Variants in RAB3GAP2 observed in about 807,000 individuals in gnomAD.
RAB3GAP2 encodes RAB3 GTPase activating non-catalytic protein subunit 2, also known as rab3 GTPase-activating protein non-catalytic subunit.
In RAB3GAP2, 87 loss-of-function variants were observed where a neutral mutation model predicts 185.3. That is an observed-to-expected ratio of 0.47 (90% CI 0.39 to 0.56). The LOEUF is 0.56. Among genes scored for constraint, RAB3GAP2 ranks in the 20% least tolerant of loss-of-function variants. RAB3GAP2 has a pLI of 0.00. For synonymous variants in RAB3GAP2, 554 were observed against 576.1 expected (o/e 0.96, Z 0.55); for missense variants, 1,492 against 1,638.2 (o/e 0.91, Z 1.54).
chr1:220,264,398 T>C (rs1160879720), intron 1 of RAB3GAP2, among the ~76,000 whole-genome samples: 1 of 150,936 alleles, frequency 6.6e-6, no homozygotes, highest in East Asian at 2.0e-4. Flanking sequence ...AAAGGGGAGG[T>C]TTTTTTTACA....
rs944130303 is a variant in RAB3GAP2 at position 220,151,668 on chromosome 1, T to C, written c.3964A>G (p.Lys1322Glu). The C allele has an allele frequency of 6.2e-7, 1 of 1,611,620 alleles. No individual in the cohort carries two copies. The highest frequency in any genetic ancestry group is 8.5e-7 in the Non-Finnish European group (1 of 1,177,852). The change falls in exon 34 of 35, where the codon AAA becomes GAA. Residue 1322 changes from lysine to glutamate, a missense_variant. By Grantham distance (56) the Lys-to-Glu change is moderately conservative (BLOSUM62 1). Transcript: ENST00000358951. Reference protein sequence around the residue: ...LAHALLHTQTKEGMELLARLP... With the variant: ...LAHALLHTQTEEGMELLARLP... Reference sequence around the variant, plus strand: ...CTGGCAAGCAGCTCCATTCCTTCTTTTGTCTGGGTGTGGAGAAGCGCATGA... The same window carrying C: ...CTGGCAAGCAGCTCCATTCCTTCTTCTGTCTGGGTGTGGAGAAGCGCATGA...
chr1:220,239,019 G>C (rs1365427283), intron 1 of RAB3GAP2, among the ~76,000 whole-genome samples: 2 of 152,102 alleles, frequency 1.3e-5, no homozygotes, highest in African/African-American at 2.4e-5. Context: ...AATTGAAAAT[G>C]ACATTCTTAC....
chr1:220,267,630 T>G, intron 1 of RAB3GAP2: 2 of 1,418,216 alleles, frequency 1.4e-6, no homozygotes, highest in Non-Finnish European at 2.0e-6. Context: ...CTTGCTGTTT[T>G]GGGTGTTATT....
chr1:220,193,307 T>C lies in RAB3GAP2; in HGVS notation c.1203A>G (p.Val401=). The C allele has an allele frequency of 6.2e-7, 1 of 1,614,046 alleles. No homozygotes were observed. Among genetic ancestry groups the C allele is most frequent in the Non-Finnish European group, 8.5e-7 (1 of 1,179,948 alleles). The part of the protein sequence containing the change: ...CLSPCNTLAA[V]TDDFGRVILL... ...AAATAACTCTGCCGAAATCATCTGTTACTGCTGCCAGTGTGTTACATGGAG... is the reference window on the plus strand; with the variant it reads ...AAATAACTCTGCCGAAATCATCTGTCACTGCTGCCAGTGTGTTACATGGAG... Residue 401 remains valine (V), a synonymous_variant, in exon 13 of 35, where the codon GTA becomes GTG. Transcript: ENST00000358951.
chr1:220,214,306 A>C (rs753104522), intron 2 of RAB3GAP2, among the ~76,000 whole-genome samples: 4 of 152,168 alleles, frequency 2.6e-5, no homozygotes, highest in Non-Finnish European at 5.9e-5. Flanking sequence ...AGAGCCAAGG[A>C]CAGGAGGTCA....
At position 220,162,274 on chromosome 1, in the gene RAB3GAP2, T is replaced by G. The variant is rs762228863; in HGVS notation, c.3155-6A>C. ...CCACATCATCAGTGCAATGCCTAGA[T>G]AGCAAGTAAAAGTAGTAAATAGAAT... is the stretch of plus-strand genomic sequence containing the variant. On this transcript the variant is annotated splice_polypyrimidine_tract_variant and splice_region_variant and intron_variant, in intron 27 of 34. Transcript: ENST00000358951. The G allele has an allele frequency of 6.3e-7, 1 of 1,577,604 alleles. No homozygotes were observed. Among genetic ancestry groups the G allele is most frequent in the Admixed American group, 1.7e-5 (1 of 59,964 alleles).
chr1:220,171,724 C>A (rs978964765), intron 23 of RAB3GAP2, among the ~76,000 whole-genome samples, 165 bp downstream of exon 23: 2 of 152,102 alleles, frequency 1.3e-5, no homozygotes, highest in African/African-American at 4.8e-5. Flanking sequence ...GTGACAACTG[C>A]TAAATTCAAG....
At chr1:220,199,134 G>A (rs965515003) in intron 9 of RAB3GAP2, among the ~76,000 whole-genome samples, 1 of 152,010 alleles carries the variant, frequency 6.6e-6, no homozygotes, top group Non-Finnish European at 1.5e-5. Flanking sequence ...TGTATGTCAC[G>A]GTAAGGAGCA....
At chr1:220,230,009 C>T (rs1018805154) in intron 2 of RAB3GAP2, among the ~76,000 whole-genome samples, 1 of 152,204 alleles carries the variant, frequency 6.6e-6, no homozygotes, top group African/African-American at 2.4e-5. Context: ...AAGCACATCC[C>T]TTTCTGAAAG....
chr1:220,169,082 T>C (rs1658125719), intron 24 of RAB3GAP2, among the ~76,000 whole-genome samples: 1 of 152,196 alleles, frequency 6.6e-6, no homozygotes, highest in Non-Finnish European at 1.5e-5. Flanking sequence ...CTGATTCCAT[T>C]GCTTAGGTTA....
At chr1:220,254,594 T>C in intron 1 of RAB3GAP2, 3 of 1,372,056 alleles carry the variant, frequency 2.2e-6, no homozygotes, top group Non-Finnish European at 3.1e-6. Context: ...TTTTTGTTCT[T>C]AGTCTATCTC....
At position 220,267,256 on chromosome 1, in the gene RAB3GAP2, T is replaced by G; in HGVS notation, c.115+4967A>C. ...ATCAAACTTTGAAAGTTTCTGAAGT[T>G]CTGTATTGACTGTTTCAAGTGGTGT... is the stretch of plus-strand genomic sequence containing the variant. On this transcript the variant is annotated intron_variant, in intron 1 of 34. Coordinates refer to ENST00000358951, the MANE Select transcript of RAB3GAP2 (RefSeq NM_012414.4). 3.3e-6 allele frequency: 3 copies of G among 914,256 alleles called. No individual in the cohort carries two copies. In the South Asian group the frequency reaches 3.9e-5, roughly 12 times the overall value. The allele number at this position is 914,256 out of a possible 1,614,324, so 56.6% of individuals were successfully genotyped here. A position where few individuals can be genotyped will look rare whatever the true frequency, so the allele number is the denominator to read the frequency against.
intron 1 of RAB3GAP2, among the ~76,000 whole-genome samples, chr1:220,245,096 T>C (rs561084890): frequency 6.6e-4 from 100 of 151,348 alleles, no homozygotes; most frequent in African/African-American, 2.4e-3. Context: ...GCATCCAGAA[T>C]CTACAAGGAA....
At chr1:220,159,300 G>T in intron 29 of RAB3GAP2, 86 bp downstream of exon 29, 1 of 1,127,064 alleles carries the variant, frequency 8.9e-7, no homozygotes, top group Non-Finnish European at 1.3e-6. Context: ...ATGATAAAAG[G>T]CAAAGTTCAC....
intron 31 of RAB3GAP2, among the ~76,000 whole-genome samples, chr1:220,156,406 G>A (rs1043378697): frequency 2.2e-4 from 33 of 152,116 alleles, no homozygotes; most frequent in African/African-American, 7.5e-4. Context: ...TGACACCTGC[G>A]TGGGGAAGGA....
At chr1:220,219,556 C>T (rs755917173) in intron 2 of RAB3GAP2, 6 of 152,168 alleles carry the variant, frequency 3.9e-5, no homozygotes, top group Non-Finnish European at 7.3e-5. Flanking sequence ...ACTAGACCCT[C>T]GATGTTCTCA....
At position 220,149,975 on chromosome 1, in the gene RAB3GAP2, T is replaced by A. The variant is rs1269976785; in HGVS notation, c.*1276A>T. On this transcript the variant is annotated 3_prime_UTR_variant, in exon 35 of 35. Transcript: ENST00000358951. The stretch of plus-strand genomic sequence containing the variant: ...TATCACAATGACTTACTATGAATAA[T>A]AATTGTGATCCATGACAGATACCCA... The A allele has an allele frequency of 6.6e-6, 1 of 152,328 alleles. No individual in the cohort carries two copies. Among genetic ancestry groups the A allele is most frequent in the South Asian group, 2.1e-4 (1 of 4,832 alleles). 9.4% of individuals were successfully genotyped at this position (152,328 alleles called of 1,614,324 possible).
intron 17 of RAB3GAP2, among the ~76,000 whole-genome samples, chr1:220,189,025 T>C (rs1004433855): frequency 2.0e-5 from 3 of 151,926 alleles, no homozygotes; most frequent in Admixed American, 1.3e-4. Context: ...ATGACGTAAC[T>C]ATAAAGTAAA....
Position 220,195,300 on chromosome 1 carries a change from G to GGCA in RAB3GAP2, c.1035_1037dup (p.Ala346dup). 6.2e-7 allele frequency: 1 copy of GGCA among 1,606,910 alleles called. No homozygotes were observed. The highest frequency in any genetic ancestry group is 8.5e-7 in the Non-Finnish European group (1 of 1,173,498). Reference sequence around the variant, plus strand: ...TATTTTAATTGTTAAGTAATTACCTGGCAGCATTAAATAAAGCAGAAGTGA... The same window carrying GGCA: ...TATTTTAATTGTTAAGTAATTACCTGGCAGCAGCATTAAATAAAGCAGAAGTGA... On this transcript the variant is annotated inframe_insertion, in exon 11 of 35. Coordinates refer to ENST00000358951, the MANE Select transcript of RAB3GAP2 (RefSeq NM_012414.4).
Sources: gnomAD v4.1 joint callset for allele counts (sites outside exome capture counted in the v4.1 genomes callset) on GRCh38, gnomAD v4.1.1 for gene constraint, MANE v1.5 for transcripts, NCBI Gene and HGNC (gene_info 2026-07-23, HGNC 2026-07-21) for gene names.